PPL: variants seen among roughly 807,000 people sequenced by gnomAD.
PPL encodes the protein 190 kDa paraneoplastic pemphigus antigen.
PPL carries 198 observed loss-of-function variants against 194.4 expected under a neutral mutation model. That is an observed-to-expected ratio of 1.02 (90% CI 0.91 to 1.15). PPL has a LOEUF of 1.15. PPL is among the 50% of genes most tolerant of loss of function. The pLI, the probability that PPL is intolerant of heterozygous loss-of-function variation, is 0.00. For synonymous variants in PPL, 1,220 were observed against 972.4 expected, an observed-to-expected ratio of 1.25 and a Z score of -4.74; for missense variants, 2,885 against 2,294.8, an observed-to-expected ratio of 1.26 and a Z score of -5.25.
At chr16:4,934,912 C>G (rs1336348859) in intron 1 of PPL, among the ~76,000 whole-genome samples, 2 of 152,202 alleles carry the variant, frequency 1.3e-5, no homozygotes, top group East Asian at 3.9e-4. Context: ...TTGGAGACCA[C>G]CCGGGGAGGC....
In PPL at chr16:4,882,585, T is replaced by A. The variant is rs1410727335; in HGVS notation, c.*799A>T. The stretch of plus-strand genomic sequence containing the variant: ...TTCCCTATTAGTTCCCATTTTCTTA[T>A]GTTCTACATGAGATACAGAGACCCA... On this transcript the variant is annotated 3_prime_UTR_variant, in exon 22 of 22. Transcript: ENST00000345988. The A allele has an allele frequency of 2.0e-5, 3 of 152,252 alleles. No individual in the cohort carries two copies. The highest frequency in any genetic ancestry group is 2.9e-5 in the Non-Finnish European group (2 of 68,052). The allele number at this position is 152,252 out of a possible 1,614,324, so 9.4% of individuals were successfully genotyped here. A position where few individuals can be genotyped will look rare whatever the true frequency, so the allele number is the denominator to read the frequency against.
chr16:4,930,639 A>G (rs1038862567), intron 1 of PPL, among the ~76,000 whole-genome samples: 4 of 152,148 alleles, frequency 2.6e-5, no homozygotes, highest in Admixed American at 6.5e-5. Context: ...CTGAGATAAG[A>G]GCTACCAAGG....
At chr16:4,895,112 T>C (rs1033182815) in intron 11 of PPL, 149 bp downstream of exon 11, 3 of 1,036,698 alleles carry the variant, frequency 2.9e-6, no homozygotes, top group Middle Eastern at 4.8e-4. Flanking sequence ...GGGGTGCCAG[T>C]TGGCCTGCAC....
At chr16:4,899,872 A>C (rs1047886662) in intron 6 of PPL, among the ~76,000 whole-genome samples, 4 of 152,206 alleles carry the variant, frequency 2.6e-5, no homozygotes, top group African/African-American at 9.6e-5. Context: ...GCACCACTGT[A>C]CGTCTGAGAA....
In PPL at chr16:4,910,803, C is replaced by A. The variant is rs771624865; in HGVS notation, c.162+47G>T. On this transcript the variant is annotated intron_variant, in intron 2 of 21. Coordinates refer to ENST00000345988, the MANE Select transcript of PPL (RefSeq NM_002705.5). The stretch of plus-strand genomic sequence containing the variant: ...AAACAGATCCTGGTCCTGAACAGGG[C>A]TGGCAGCACGGGGCACCCAGGTGGG... The A allele has an allele frequency of 8.0e-6, 12 of 1,501,166 alleles. No individual in the cohort carries two copies. In the East Asian group the frequency reaches 2.5e-4, roughly 31 times the overall value. The allele number at this position is 1,501,166 out of a possible 1,614,324, so 93.0% of individuals were successfully genotyped here.
At chr16:4,894,231 T>G (rs574454581) in intron 12 of PPL, among the ~76,000 whole-genome samples, 4 of 152,216 alleles carry the variant, frequency 2.6e-5, no homozygotes, top group African/African-American at 9.6e-5. Context: ...AGAAACTGCT[T>G]AGAAACTCGT....
chr16:4,895,817 C>CG, intron 9 of PPL, 101 bp from the exon 10 acceptor site: 1 of 1,521,248 alleles, frequency 6.6e-7, no homozygotes. Flanking sequence ...GCTGGGCCTC[C>CG]GGTTCACCTG....
In PPL at chr16:4,884,274, G is replaced by C; in HGVS notation, c.4381C>G (p.Leu1461Val). 6.2e-7 allele frequency: 1 copy of C among 1,613,122 alleles called. No individual in the cohort carries two copies. Among genetic ancestry groups the C allele is most frequent in the Non-Finnish European group, 8.5e-7 (1 of 1,179,756 alleles). Residue 1461 changes from leucine to valine, a missense_variant, in exon 22 of 22, where the codon CTG (leucine) becomes GTG (valine). Leu to Val is a conservative substitution (Grantham distance 32). Coordinates refer to ENST00000345988, the MANE Select transcript of PPL (RefSeq NM_002705.5). This position sits in a 1 kb window ranked among gnomAD's most constrained non-coding sequence, Gnocchi z 5.7. Reference sequence around the variant, plus strand: ...TCTTCTTCCAGCTGGAGTCGGAGCAGGGCATGCTCTCGCGCCTGCTGCGGG... The same window carrying C: ...TCTTCTTCCAGCTGGAGTCGGAGCACGGCATGCTCTCGCGCCTGCTGCGGG... ...QDPQQAREHA[L>V]LRLQLEEEQH...
At chr16:4,934,212 G>C (rs186668015) in intron 1 of PPL, among the ~76,000 whole-genome samples, 1 of 152,074 alleles carries the variant, frequency 6.6e-6, no homozygotes, top group Non-Finnish European at 1.5e-5. Flanking sequence ...TTAGGAACCC[G>C]GGCAACGGGA....
chr16:4,911,156 CTTTTTT>C (rs34229581), intron 1 of PPL, among the ~76,000 whole-genome samples: 2 of 85,886 alleles, frequency 2.3e-5, no homozygotes, highest in South Asian at 4.6e-4. Context: ...GGTCAGCCTC[CTTTTTT>C]TTTTTTTTTT....
rs529049175 is a variant in PPL at position 4,885,111 on chromosome 16, G to T, written c.3544C>A (p.Pro1182Thr). 30 of 1,613,818 alleles carry T rather than the reference G, an allele frequency of 1.9e-5. 1 individual carries two copies. In the South Asian group the frequency reaches 2.9e-4, roughly 15 times the overall value. ...TTCGCCACTTCACTTTCCGCCTTGG[G>T]GTCTGGCCGCACGATCTCCCGCACC... ...EKVREIVRPD[P>T]KAESEVANLR... is the part of the protein sequence containing the mutation. The change falls in exon 22 of 22, where the codon CCC becomes ACC. Residue 1182 changes from proline to threonine, a missense_variant. Transcript: ENST00000345988. The surrounding 1 kb of genome is among the most constrained non-coding windows in gnomAD (Gnocchi z 6.3).
intron 19 of PPL, 139 bp downstream of exon 19, chr16:4,888,839 T>C: frequency 1.3e-6 from 1 of 798,110 alleles, no homozygotes. Flanking sequence ...CTGTGCCAGT[T>C]TGCACAGCAG....
At chr16:4,895,079 G>A (rs1164578530) in intron 11 of PPL, among the ~76,000 whole-genome samples, 182 bp downstream of exon 11, 1 of 152,200 alleles carries the variant, frequency 6.6e-6, no homozygotes, top group Non-Finnish European at 1.5e-5. Flanking sequence ...CAAGGCCAGG[G>A]CAGCCGAGGT....
intron 2 of PPL, among the ~76,000 whole-genome samples, chr16:4,910,490 G>A (rs1027727586): frequency 2.7e-4 from 41 of 152,216 alleles, no homozygotes; most frequent in African/African-American, 9.4e-4. Context: ...TGACCCCATG[G>A]CACTCCTCCA....
rs988824436 is a variant in PPL at position 4,885,313 on chromosome 16, G to A, written c.3342C>T (p.Val1114=). 3 of 1,611,992 alleles carry A rather than the reference G, an allele frequency of 1.9e-6. No individual in the cohort carries two copies. The highest frequency in any genetic ancestry group is 2.7e-5 in the African/African-American group (2 of 74,702). ...ERAMAEGKIT[V]KEVLKVEKDA... ...CCTTCTCCACCTTGAGCACCTCCTT[G>A]ACGGTGATCTTGCCCTCGGCCATGG... The change falls in exon 22 of 22, where the codon GTC becomes GTT. Residue 1114 remains valine (V), a synonymous_variant. Transcript: ENST00000345988. This position sits in a 1 kb window ranked among gnomAD's most constrained non-coding sequence, Gnocchi z 6.3.
intron 1 of PPL, among the ~76,000 whole-genome samples, chr16:4,929,676 TCCTAAG>T (rs1419978263): frequency 2.1e-4 from 32 of 152,190 alleles, no homozygotes; most frequent in Admixed American, 2.1e-3. Flanking sequence ...TACTGGTTCT[TCCTAAG>T]CCTGTTTTAT....
chr16:4,907,922 G>C, intron 2 of PPL, among the ~76,000 whole-genome samples: 1 of 152,156 alleles, frequency 6.6e-6, no homozygotes, highest in Non-Finnish European at 1.5e-5. Context: ...TTGGGAGGCC[G>C]AGGTGGGCAG....
In PPL at chr16:4,884,154, G is replaced by GCACCACCTTCTCCTTGAC; in HGVS notation, c.4483_4500dup (p.Val1495_Val1500dup). Reference sequence around the variant, plus strand: ...TTCTCCACCTGGACACTCTCGGAGAGCACCACCTTCTCCTTGACCTCCGCC... The same window carrying GCACCACCTTCTCCTTGAC: ...TTCTCCACCTGGACACTCTCGGAGAGCACCACCTTCTCCTTGACCACCACCTTCTCCTTGACCTCCGCC... On this transcript the variant is annotated inframe_insertion, in exon 22 of 22. Coordinates refer to ENST00000345988, the MANE Select transcript of PPL (RefSeq NM_002705.5). This position sits in a 1 kb window ranked among gnomAD's most constrained non-coding sequence, Gnocchi z 5.7. 6.2e-7 allele frequency: 1 copy of GCACCACCTTCTCCTTGAC among 1,613,806 alleles called. No homozygotes were observed. The highest frequency in any genetic ancestry group is 8.5e-7 in the Non-Finnish European group (1 of 1,179,982).
At chr16:4,915,092 C>A (rs1294979018) in intron 1 of PPL, among the ~76,000 whole-genome samples, 2 of 152,228 alleles carry the variant, frequency 1.3e-5, no homozygotes, top group Non-Finnish European at 2.9e-5. Context: ...GGCACAGGGC[C>A]AGCTCCCAAA....
Sources: allele counts gnomAD v4.1 joint callset (sites outside exome capture counted in the v4.1 genomes callset), GRCh38; gene constraint gnomAD v4.1.1; non-coding constraint Gnocchi (gnomAD v3.1); transcripts MANE v1.5; gene names NCBI Gene and HGNC (gene_info 2026-07-23, HGNC 2026-07-21).